The following CLINT1 variants were observed in gnomAD, a reference collection of about 807,000 sequenced individuals.
CLINT1 encodes clathrin interacting protein localized in the trans-Golgi region.
CLINT1 carries 15 observed loss-of-function variants against 70.4 expected under a neutral mutation model. That is an observed-to-expected ratio of 0.21 (90% CI 0.14 to 0.33). The LOEUF is 0.33. Ranked by LOEUF, CLINT1 falls within the 10% of genes least tolerant of loss-of-function variation. The pLI, the probability that CLINT1 is intolerant of heterozygous loss-of-function variation, is 1.00. For synonymous variants in CLINT1, 227 were observed against 254.7 expected (o/e 0.89, Z 1.04); for missense variants, 615 against 778.1 (o/e 0.79, Z 2.49).
At chr5:157,827,042 G>T (rs970605236) in intron 1 of CLINT1, among the ~76,000 whole-genome samples, 1 of 152,070 alleles carries the variant, frequency 6.6e-6, no homozygotes, top group Non-Finnish European at 1.5e-5. Flanking sequence ...AGTTTGGATG[G>T]GGCAAAATTA....
intron 1 of CLINT1, among the ~76,000 whole-genome samples, chr5:157,841,777 C>T (rs1753186787): frequency 6.6e-6 from 1 of 152,070 alleles, no homozygotes; most frequent in Admixed American, 6.6e-5. Context: ...TGCATCATCA[C>T]ATAATCTGTG....
In CLINT1 at chr5:157,846,164, G is replaced by T. The variant is rs536711222; in HGVS notation, c.41+12766C>A. 3.3e-5 allele frequency among the ~76,000 whole-genome samples: 5 copies of T among 152,292 alleles called. No homozygotes were observed. In the East Asian group the frequency reaches 5.8e-4, roughly 18 times the overall value. ...GCACATCTCCTACTTTCAATCAAAA[G>T]CTAGAAATGATTAAGCTTAGGAAGG... On this transcript the variant is annotated intron_variant, in intron 1 of 11. Transcript: ENST00000411809.
intron 1 of CLINT1, among the ~76,000 whole-genome samples, chr5:157,848,408 A>AT (rs534663185): frequency 1.9e-3 from 276 of 144,554 alleles, no homozygotes; most frequent in Middle Eastern, 3.6e-3. Flanking sequence ...AAGAATTATT[A>AT]TTTTTTTTTT....
chr5:157,831,022 T>C (rs1763225824), intron 1 of CLINT1, among the ~76,000 whole-genome samples: 1 of 150,736 alleles, frequency 6.6e-6, no homozygotes, highest in Non-Finnish European at 1.5e-5. Context: ...CCAGACTAGA[T>C]GACAGAACAA....
In CLINT1 at chr5:157,823,682, T is replaced by A. The variant is rs1057224177; in HGVS notation, c.42-6135A>T. On this transcript the variant is annotated intron_variant, in intron 1 of 11. Coordinates refer to ENST00000411809, the MANE Select transcript of CLINT1 (RefSeq NM_014666.4). ...AAAGGTTTCAGAAAAGATACTTTTA[T>A]AAATTAAATGCTCTTATTAAGTATA... 4 of 539,634 alleles carry A rather than the reference T, an allele frequency of 7.4e-6. No individual in the cohort carries two copies. The African/African-American group carries it at 8.3e-5, about 11-fold the overall frequency. 33.4% of individuals were successfully genotyped at this position (539,634 alleles called of 1,614,324 possible).
chr5:157,817,405 G>C (rs779311493), intron 2 of CLINT1, 38 bp downstream of exon 2: 2 of 1,284,596 alleles, frequency 1.6e-6, no homozygotes, highest in South Asian at 1.3e-5. Flanking sequence ...AAGATGCTTT[G>C]ATTTTTTTCT....
At chr5:157,819,743 A>G (rs1391791676) in intron 1 of CLINT1, among the ~76,000 whole-genome samples, 1 of 152,248 alleles carries the variant, frequency 6.6e-6, no homozygotes, top group African/African-American at 2.4e-5. Flanking sequence ...CCAAGAATGC[A>G]CTTGAAATCT....
intron 8 of CLINT1, among the ~76,000 whole-genome samples, chr5:157,797,021 G>A (rs1323791026): frequency 2.6e-5 from 4 of 151,972 alleles, no homozygotes; most frequent in Non-Finnish European, 5.9e-5. Context: ...ACAGTGATCT[G>A]GTTTTCTCTT....
intron 1 of CLINT1, among the ~76,000 whole-genome samples, chr5:157,842,196 G>T (rs1211996498): frequency 2.0e-5 from 3 of 152,138 alleles, no homozygotes; most frequent in Non-Finnish European, 4.4e-5. Flanking sequence ...AATCACTATT[G>T]TGTAAGTTAT....
chr5:157,839,111 C>T (rs922094891), intron 1 of CLINT1, among the ~76,000 whole-genome samples: 2 of 152,042 alleles, frequency 1.3e-5, no homozygotes, highest in Non-Finnish European at 2.9e-5. Context: ...TGCCTGTAGT[C>T]CCAGGTACTA....
At chr5:157,845,131 T>C (rs1429307312) in intron 1 of CLINT1, among the ~76,000 whole-genome samples, 2 of 152,138 alleles carry the variant, frequency 1.3e-5, no homozygotes, top group East Asian at 3.9e-4. Context: ...GGCGAATCAC[T>C]TGAAGTCAGG....
At chr5:157,788,899 G>A (rs1232894315) in intron 11 of CLINT1, among the ~76,000 whole-genome samples, 1 of 150,674 alleles carries the variant, frequency 6.6e-6, no homozygotes, top group Non-Finnish European at 1.5e-5. Context: ...ACTGGGAGGT[G>A]GAGGCTGCAG....
chr5:157,801,812 A>AG (rs1305804943), intron 8 of CLINT1, among the ~76,000 whole-genome samples: 1 of 152,172 alleles, frequency 6.6e-6, no homozygotes, highest in East Asian at 1.9e-4. Context: ...AGGAAATAAT[A>AG]GGGGGCTTTA....
Position 157,803,711 on chromosome 5 carries a change from C to T in CLINT1, c.951G>A (p.Val317=), listed in dbSNP as rs1393128776. The change falls in exon 8 of 12, where the codon GTG becomes GTA. Residue 317 remains valine (V), a synonymous_variant. Transcript: ENST00000411809. ...GGTCACCAGATGACTTGCTGCTAGG[C>T]ACTGAAGTCTGAAAACACACACATA... ...HTPQSSVKTS[V]PSSKSSGDLV... 2 of 1,552,366 alleles carry T rather than the reference C, an allele frequency of 1.3e-6. No individual in the cohort carries two copies. Among genetic ancestry groups the T allele is most frequent in the Non-Finnish European group, 1.8e-6 (2 of 1,141,110 alleles).
At chr5:157,847,981 A>G (rs933693225) in intron 1 of CLINT1, among the ~76,000 whole-genome samples, 5 of 152,022 alleles carry the variant, frequency 3.3e-5, no homozygotes, top group Non-Finnish European at 5.9e-5. Flanking sequence ...TAATTTTTGT[A>G]TTTTTAGCAG....
At chr5:157,850,902 C>A (rs1753550290) in intron 1 of CLINT1, among the ~76,000 whole-genome samples, 1 of 152,064 alleles carries the variant, frequency 6.6e-6, no homozygotes, top group South Asian at 2.1e-4. Context: ...TCAAGTGATC[C>A]TCCCATTTCA....
At chr5:157,851,108 T>C (rs1457482868) in intron 1 of CLINT1, among the ~76,000 whole-genome samples, 2 of 151,904 alleles carry the variant, frequency 1.3e-5, no homozygotes, top group South Asian at 2.1e-4. Context: ...TGTTCTTTAA[T>C]GATTTACTAA....
At chr5:157,798,887 A>T (rs1762137243) in intron 8 of CLINT1, among the ~76,000 whole-genome samples, 1 of 152,124 alleles carries the variant, frequency 6.6e-6, no homozygotes, top group Non-Finnish European at 1.5e-5. Context: ...CCAATGTAAG[A>T]TTATAAAGCA....
At chr5:157,801,246 C>T (rs1762208747) in intron 8 of CLINT1, among the ~76,000 whole-genome samples, 1 of 151,614 alleles carries the variant, frequency 6.6e-6, no homozygotes, top group Admixed American at 6.6e-5. Context: ...GTGGCTCACG[C>T]CTGTAATCCC....
Sources: gnomAD v4.1 joint callset for allele counts (sites outside exome capture counted in the v4.1 genomes callset) on GRCh38, gnomAD v4.1.1 for gene constraint, MANE v1.5 for transcripts, NCBI Gene and HGNC (gene_info 2026-07-23, HGNC 2026-07-21) for gene names.